The following SNX8 variants were observed in gnomAD, a reference collection of about 807,000 sequenced individuals.
SNX8 encodes sorting nexin-8.
A neutral mutation model predicts 51.6 loss-of-function variants in SNX8; 25 were observed. The observed-to-expected ratio is 0.48, with a 90% CI of 0.35 to 0.68. The LOEUF is 0.68. Among genes scored for constraint, SNX8 ranks in the 30% least tolerant of loss-of-function variants. The pLI, the probability that SNX8 is intolerant of heterozygous loss-of-function variation, is 0.00. For synonymous variants in SNX8, 324 were observed against 277.0 expected (o/e 1.17, Z -1.68); for missense variants, 695 against 624.0 (o/e 1.11, Z -1.21).
chr7:2,259,389 G>A (rs1795281885), intron 7 of SNX8, among the ~76,000 whole-genome samples: 1 of 152,210 alleles, frequency 6.6e-6, no homozygotes, highest in Non-Finnish European at 1.5e-5. Context: ...CTCCCTCCAC[G>A]ATTCCTCGGG....
At chr7:2,301,968 C>A (rs147916714) in intron 1 of SNX8, among the ~76,000 whole-genome samples, 127 of 152,222 alleles carry the variant, frequency 8.3e-4, no homozygotes, top group African/African-American at 2.9e-3. Flanking sequence ...ATCGGCCAGG[C>A]GCGGTGGCTC....
chr7:2,281,497 G>A (rs73293340), intron 1 of SNX8, among the ~76,000 whole-genome samples: 1,868 of 151,594 alleles, frequency 0.012, 37 homozygotes, highest in African/African-American at 0.043. Context: ...ACTGCAGAAC[G>A]GGCAGAAACA....
At chr7:2,322,853 C>A (rs1778553160) in intron 1 of SNX8, among the ~76,000 whole-genome samples, 1 of 120,564 alleles carries the variant, frequency 8.3e-6, no homozygotes, top group East Asian at 2.6e-4. Flanking sequence ...CCTGTCTCTA[C>A]TAAAAATAAA....
intron 1 of SNX8, among the ~76,000 whole-genome samples, chr7:2,330,931 T>A (rs766499400): frequency 5.9e-5 from 9 of 152,144 alleles, no homozygotes; most frequent in Admixed American, 1.3e-4. Flanking sequence ...ACGCCTGTGA[T>A]CCCAAAACTT....
At chr7:2,343,813 G>GT (rs1483228952) in intron 1 of SNX8, among the ~76,000 whole-genome samples, 1 of 151,916 alleles carries the variant, frequency 6.6e-6, no homozygotes, top group African/African-American at 2.4e-5. Flanking sequence ...GAGGTCGGGA[G>GT]TTCAAGGCCA....
intron 5 of SNX8, among the ~76,000 whole-genome samples, chr7:2,265,018 G>A (rs1171168677): frequency 6.6e-6 from 1 of 152,084 alleles, no homozygotes; most frequent in Non-Finnish European, 1.5e-5. Flanking sequence ...TTGGGCGACA[G>A]AACGAGACTC....
At chr7:2,314,996 CCACT>C (rs1473259559), upstream of SNX8, among the ~76,000 whole-genome samples, 34 of 148,246 alleles carry the variant, frequency 2.3e-4, no homozygotes, top group African/African-American at 8.1e-4. Context: ...AATCATTCAC[CCACT>C]CACTCACTGC....
intron 9 of SNX8, 112 bp downstream of exon 9, chr7:2,257,253 G>T: frequency 1.5e-6 from 2 of 1,343,608 alleles, no homozygotes; most frequent in Non-Finnish European, 2.0e-6. Flanking sequence ...CCCCAGCTCT[G>T]TTCCAGACAC....
At chr7:2,329,985 C>G (rs1343404593) in intron 1 of SNX8, among the ~76,000 whole-genome samples, 2 of 122,190 alleles carry the variant, frequency 1.6e-5, no homozygotes, top group Non-Finnish European at 3.3e-5. Context: ...CAGGTGCATG[C>G]CACCACGGCT....
chr7:2,286,022 T>C (rs1387502901), intron 1 of SNX8, among the ~76,000 whole-genome samples: 1 of 149,944 alleles, frequency 6.7e-6, no homozygotes, highest in African/African-American at 2.5e-5. Context: ...TTTTTTTTTT[T>C]CTTTTTTGAG....
At chr7:2,269,719 C>A in intron 4 of SNX8, 80 bp from the exon 5 acceptor site, 2 of 911,712 alleles carry the variant, frequency 2.2e-6, no homozygotes, top group South Asian at 3.0e-5. Context: ...CACTGTGGAG[C>A]GGGAGGTCGT....
chr7:2,258,617 G>A (rs1214161072), intron 7 of SNX8, among the ~76,000 whole-genome samples: 1 of 152,214 alleles, frequency 6.6e-6, no homozygotes, highest in Admixed American at 6.5e-5. Context: ...AGAGAGAAAC[G>A]CAGGCCTAGG....
intron 7 of SNX8, among the ~76,000 whole-genome samples, chr7:2,259,690 G>T (rs1413521769): frequency 6.6e-6 from 1 of 152,208 alleles, no homozygotes; most frequent in Non-Finnish European, 1.5e-5. Flanking sequence ...TGTGTTAAGA[G>T]TTTCTAAAAC....
chr7:2,314,207 C>T (rs997004575), intron 1 of SNX8, 121 bp downstream of exon 1: 7 of 1,064,202 alleles, frequency 6.6e-6, no homozygotes, highest in Non-Finnish European at 8.3e-6. Flanking sequence ...TGGGGCCGAA[C>T]GCGGGGCGCG....
chr7:2,327,709 A>AT (rs1288640845), intron 1 of SNX8, among the ~76,000 whole-genome samples: 12 of 146,736 alleles, frequency 8.2e-5, no homozygotes, highest in Non-Finnish European at 1.5e-5. Context: ...ACCCGGCCTA[A>AT]TTTTTTGTAT....
rs1272826879 is a variant in SNX8 at position 2,254,417 on chromosome 7, CAG to C, written c.*637_*638del. 1 of 154,430 alleles carries C rather than the reference CAG, an allele frequency of 6.5e-6. No individual in the cohort carries two copies. Among genetic ancestry groups the C allele is most frequent in the Non-Finnish European group, 1.4e-5 (1 of 69,516 alleles). The allele number at this position is 154,430 out of a possible 1,614,324, so 9.6% of individuals were successfully genotyped here. A position where few individuals can be genotyped will look rare whatever the true frequency, so the allele number is the denominator to read the frequency against. ...TTTGTCTTCCAGGCCTGGGCACACA[CAG>C]GGTCATGGTGTGGACACAGGCACAC... On this transcript the variant is annotated 3_prime_UTR_variant, in exon 11 of 11. Coordinates refer to ENST00000222990, the MANE Select transcript of SNX8 (RefSeq NM_013321.4).
intron 10 of SNX8, among the ~76,000 whole-genome samples, chr7:2,256,537 G>A (rs1045063410): frequency 6.6e-6 from 1 of 152,252 alleles, no homozygotes; most frequent in Admixed American, 6.5e-5. Flanking sequence ...CACCTGCGGC[G>A]CTCCGAAGCG....
intron 4 of SNX8, among the ~76,000 whole-genome samples, chr7:2,271,444 CG>C (rs1562429964): frequency 6.6e-6 from 1 of 152,220 alleles, no homozygotes; most frequent in Non-Finnish European, 1.5e-5. Flanking sequence ...AGTTAATTCC[CG>C]GATGCAGGTG....
At chr7:2,303,112 G>T (rs1427653711) in intron 1 of SNX8, among the ~76,000 whole-genome samples, 2 of 145,286 alleles carry the variant, frequency 1.4e-5, no homozygotes, top group Non-Finnish European at 3.0e-5. Context: ...AGGTGGGGGG[G>T]TCAGCCCCCC....
Sources: allele counts gnomAD v4.1 joint callset (sites outside exome capture counted in the v4.1 genomes callset), GRCh38; gene constraint gnomAD v4.1.1; transcripts MANE v1.5; gene names NCBI Gene and HGNC (gene_info 2026-07-23, HGNC 2026-07-21).